The following DLG1 variants were observed in gnomAD, a reference collection of about 807,000 sequenced individuals.
DLG1 encodes disks large homolog 1.
Under a neutral mutation model 123.4 loss-of-function variants are expected in DLG1, and 42 were observed. The ratio of observed to expected loss-of-function variants is 0.34; its 90% confidence interval spans 0.27 to 0.44. The LOEUF is 0.44. Among genes scored for constraint, DLG1 ranks in the 20% least tolerant of loss-of-function variants. The probability of loss-of-function intolerance (pLI) is 1.00; values close to 1 mark genes in which losing one functional copy is unlikely to be tolerated. For synonymous variants in DLG1, 317 were observed against 356.2 expected (o/e 0.89, Z 1.24); for missense variants, 942 against 1,082.6 (o/e 0.87, Z 1.82).
chr3:197,136,446 A>G (rs920603051), intron 10 of DLG1, 96 bp downstream of exon 10: 1 of 990,918 alleles, frequency 1.0e-6, no homozygotes, highest in African/African-American at 1.6e-5. Context: ...TTTAAACATC[A>G]TTTAGACCTT....
At chr3:197,297,887 A>G (rs978696114) in intron 1 of DLG1, 55 of 983,500 alleles carry the variant, frequency 5.6e-5, no homozygotes, top group Non-Finnish European at 6.5e-5. Flanking sequence ...CGCTCCACGT[A>G]CCCCCGCCCC....
chr3:197,288,515 A>G (rs338182), intron 3 of DLG1, among the ~76,000 whole-genome samples: 41,871 of 150,966 alleles, frequency 0.28, 6,171 homozygotes, highest in Middle Eastern at 0.38. Context: ...TGAGGTCAGG[A>G]GTTCGAGACC....
intron 14 of DLG1, among the ~76,000 whole-genome samples, chr3:197,102,020 G>C (rs903871697): frequency 3.9e-5 from 6 of 152,086 alleles, no homozygotes; most frequent in African/African-American, 1.2e-4. Flanking sequence ...GCCTTCCAAA[G>C]TGCTGGGATT....
intron 14 of DLG1, among the ~76,000 whole-genome samples, chr3:197,099,872 T>G (rs901252344): frequency 1.3e-5 from 2 of 152,222 alleles, no homozygotes; most frequent in African/African-American, 2.4e-5. Flanking sequence ...TTAGTTGTTT[T>G]AAGTACAATA....
chr3:197,265,217 A>C (rs1032532946), intron 4 of DLG1, among the ~76,000 whole-genome samples: 1 of 152,232 alleles, frequency 6.6e-6, no homozygotes, highest in African/African-American at 2.4e-5. Flanking sequence ...CTTGAAATAT[A>C]AGCCTTTTGG....
intron 11 of DLG1, among the ~76,000 whole-genome samples, chr3:197,128,720 C>G (rs1233214858): frequency 6.6e-6 from 1 of 152,218 alleles, no homozygotes; most frequent in East Asian, 1.9e-4. Context: ...CCATGGACTA[C>G]AGAGTGGATG....
chr3:197,207,068 T>C (rs1015056348), intron 4 of DLG1, among the ~76,000 whole-genome samples: 3 of 152,242 alleles, frequency 2.0e-5, no homozygotes, highest in Non-Finnish European at 4.4e-5. Context: ...GGCTGCTTTC[T>C]AGCTGCCTCT....
chr3:197,193,837 T>C (rs1720973711), intron 5 of DLG1, among the ~76,000 whole-genome samples: 1 of 152,028 alleles, frequency 6.6e-6, no homozygotes, highest in Non-Finnish European at 1.5e-5. Flanking sequence ...TTTTTTTTTT[T>C]TGAAATGGAG....
intron 19 of DLG1, chr3:197,068,564 A>G (rs1741361849): frequency 6.7e-7 from 1 of 1,489,438 alleles, no homozygotes; most frequent in African/African-American, 1.4e-5. Flanking sequence ...CAGTAAAAAA[A>G]GAAAGTTAGA....
intron 17 of DLG1, among the ~76,000 whole-genome samples, chr3:197,079,168 ACT>A (rs1749271543): frequency 6.6e-6 from 1 of 152,232 alleles, no homozygotes; most frequent in African/African-American, 2.4e-5. Flanking sequence ...TTTAATACTT[ACT>A]GTCATTAATG....
chr3:197,109,263 G>A (rs1001772151), intron 13 of DLG1, among the ~76,000 whole-genome samples: 5 of 152,136 alleles, frequency 3.3e-5, no homozygotes, highest in African/African-American at 9.7e-5. Flanking sequence ...CCAGCTACTC[G>A]GGAGGCTGAG....
chr3:197,100,282 T>C lies in DLG1; in HGVS notation c.1546+4621A>G, dbSNP rs536122572. On this transcript the variant is annotated intron_variant, in intron 14 of 24. Coordinates refer to ENST00000667157, the MANE Select transcript of DLG1 (RefSeq NM_001366207.1). Reference sequence around the variant, plus strand: ...AATAATGAAAATAAAGTCAGGACACTGGGTGTTAGAAATCTACCTTTGTAA... The same window carrying C: ...AATAATGAAAATAAAGTCAGGACACCGGGTGTTAGAAATCTACCTTTGTAA... Among the ~76,000 whole-genome samples, 3 of 152,322 alleles carry C rather than the reference T, an allele frequency of 2.0e-5. No homozygotes were observed. The South Asian group carries it at 6.2e-4, about 32-fold the overall frequency.
At chr3:197,235,964 G>A (rs182973578) in intron 4 of DLG1, among the ~76,000 whole-genome samples, 7 of 152,174 alleles carry the variant, frequency 4.6e-5, no homozygotes, top group African/African-American at 1.4e-4. Context: ...GGTTTTAAAC[G>A]TGCTGGGAAA....
intron 13 of DLG1, among the ~76,000 whole-genome samples, chr3:197,114,987 GAAAAAAAAAAAAA>G (rs375841391): frequency 5.8e-5 from 5 of 86,074 alleles, no homozygotes; most frequent in African/African-American, 1.0e-4. Flanking sequence ...CCATCTCAAG[GAAAAAAAAAAAAA>G]AAAAAAAAAA....
intron 11 of DLG1, among the ~76,000 whole-genome samples, chr3:197,120,365 A>ATAACAGAAAATTATAG: frequency 6.6e-6 from 1 of 152,292 alleles, no homozygotes; most frequent in South Asian, 2.1e-4. Context: ...GCAAAAGCTA[A>ATAACAGAAAATTATAG]TAACAGAAAA....
intron 11 of DLG1, among the ~76,000 whole-genome samples, chr3:197,123,685 C>T (rs747065100): frequency 1.4e-4 from 22 of 152,062 alleles, no homozygotes; most frequent in African/African-American, 4.6e-4. Flanking sequence ...CAGCAGTATC[C>T]GCTGGAGACT....
At chr3:197,166,138 T>C (rs116661853) in intron 5 of DLG1, among the ~76,000 whole-genome samples, 1,797 of 152,290 alleles carry the variant, frequency 0.012, 20 homozygotes, top group African/African-American at 0.027. Context: ...GTGAGACAGA[T>C]AGCATCTATG....
At chr3:197,259,514 T>C (rs1450498324) in intron 4 of DLG1, among the ~76,000 whole-genome samples, 1 of 152,210 alleles carries the variant, frequency 6.6e-6, no homozygotes, top group Non-Finnish European at 1.5e-5. Flanking sequence ...TCAACAAGTT[T>C]GTCTAGCAAT....
intron 4 of DLG1, among the ~76,000 whole-genome samples, chr3:197,222,025 G>T (rs947628538): frequency 1.3e-5 from 2 of 152,132 alleles, no homozygotes; most frequent in African/African-American, 2.4e-5. Flanking sequence ...GTAAATAGTT[G>T]TTATAATGTA....
Sources: allele counts gnomAD v4.1 joint callset (sites outside exome capture counted in the v4.1 genomes callset), GRCh38; gene constraint gnomAD v4.1.1; transcripts MANE v1.5; gene names NCBI Gene and HGNC (gene_info 2026-07-23, HGNC 2026-07-21).